The following CCP110 variants were observed in gnomAD, a reference collection of about 807,000 sequenced individuals.
The protein encoded by CCP110 is centriolar coiled-coil protein of 110 kDa.
A neutral mutation model predicts 105.5 loss-of-function variants in CCP110; 43 were observed. The observed-to-expected ratio is 0.41, with a 90% CI of 0.32 to 0.53. The LOEUF (loss-of-function observed/expected upper bound fraction) is 0.53. Among genes scored for constraint, CCP110 ranks in the 20% least tolerant of loss-of-function variants. The pLI is 0.32. For synonymous variants in CCP110, 353 were observed against 392.1 expected (o/e 0.90, Z 1.18); for missense variants, 1,016 against 1,189.1 (o/e 0.85, Z 2.14).
Position 19,537,023 on chromosome 16 carries a change from G to C in CCP110, c.1354G>C (p.Asp452His), listed in dbSNP as rs1970090929. Residue 452 changes from aspartate to histidine, a missense_variant, in exon 4 of 15, where the codon GAT becomes CAT. Transcript: ENST00000381396. Reference sequence around the variant, plus strand: ...CAAAAATACATCTGAAGTCAAAGAAGATGTGGTTTTAGGTAAATCAAATCA... The same window carrying C: ...CAAAAATACATCTGAAGTCAAAGAACATGTGGTTTTAGGTAAATCAAATCA... 4.3e-6 allele frequency: 7 copies of C among 1,614,114 alleles called. No individual in the cohort carries two copies. In the South Asian group the frequency reaches 5.5e-5, roughly 13 times the overall value.
intron 4 of CCP110, among the ~76,000 whole-genome samples, 168 bp downstream of exon 4, chr16:19,537,755 G>C (rs1970128848): frequency 6.6e-6 from 1 of 151,978 alleles, no homozygotes; most frequent in Non-Finnish European, 1.5e-5. Flanking sequence ...CATTTGATAG[G>C]CTTTCTTAAA....
At chr16:19,550,372 C>T (rs1036425473) in intron 14 of CCP110, among the ~76,000 whole-genome samples, 4 of 152,128 alleles carry the variant, frequency 2.6e-5, no homozygotes, top group Non-Finnish European at 4.4e-5. Flanking sequence ...AGGCTAGTCT[C>T]GAACGCCTGA....
At position 19,546,085 on chromosome 16, in the gene CCP110, A is replaced by G. The variant is rs1970448230; in HGVS notation, c.2777+195A>G. 5.4e-6 allele frequency: 3 copies of G among 551,142 alleles called. No homozygotes were observed. In the African/African-American group the frequency reaches 5.7e-5, roughly 10 times the overall value. The allele number at this position is 551,142 out of a possible 1,614,324, so 34.1% of individuals were successfully genotyped here. A position where few individuals can be genotyped will look rare whatever the true frequency, so the allele number is the denominator to read the frequency against. ...CATTTCATCTTAGATGAATTTATTT[A>G]CTAAATTTGACAACATTCAACTCAT... On this transcript the variant is annotated intron_variant, in intron 11 of 14. Transcript: ENST00000381396.
intron 1 of CCP110, chr16:19,524,785 T>G (rs1436796864): frequency 1.3e-5 from 2 of 152,306 alleles, no homozygotes; most frequent in African/African-American, 2.4e-5. Context: ...TTCAGTTTCA[T>G]TTGAAACCTA....
At position 19,542,089 on chromosome 16, in the gene CCP110, A is replaced by G. The variant is rs762035656; in HGVS notation, c.2227+25A>G. 17 of 1,481,678 alleles carry G rather than the reference A, an allele frequency of 1.1e-5. No individual in the cohort carries two copies. In the East Asian group the frequency reaches 3.9e-4, roughly 34 times the overall value. The allele number at this position is 1,481,678 out of a possible 1,614,324, so 91.8% of individuals were successfully genotyped here. ...GGTAAATATTTAAAAATCCTTTTACATTTGGGAAAGTGATCCTACGGTAAG... is the reference window on the plus strand; with the variant it reads ...GGTAAATATTTAAAAATCCTTTTACGTTTGGGAAAGTGATCCTACGGTAAG... On this transcript the variant is annotated intron_variant, in intron 6 of 14. Transcript: ENST00000381396.
chr16:19,548,674 A>G lies in CCP110; in HGVS notation c.2986+74A>G. ...CAAGCTGCCCCATAACTCAGGCCATAGAAGTGGAATAGATTGTCTTTCCTT... is the reference window on the plus strand; with the variant it reads ...CAAGCTGCCCCATAACTCAGGCCATGGAAGTGGAATAGATTGTCTTTCCTT... On this transcript the variant is annotated intron_variant, in intron 14 of 14. Coordinates refer to ENST00000381396, the Ensembl canonical transcript of CCP110. This position sits in a 1 kb window ranked among gnomAD's most constrained non-coding sequence, Gnocchi z 4.1. 2.2e-6 allele frequency: 2 copies of G among 905,810 alleles called. No individual in the cohort carries two copies. The highest frequency in any genetic ancestry group is 3.4e-6 in the Non-Finnish European group (2 of 585,930). 56.1% of individuals were successfully genotyped at this position (905,810 alleles called of 1,614,324 possible). A position where few individuals can be genotyped will look rare whatever the true frequency, so the allele number is the denominator to read the frequency against.
At chr16:19,550,131 T>C (rs193147406) in intron 14 of CCP110, among the ~76,000 whole-genome samples, 5 of 152,184 alleles carry the variant, frequency 3.3e-5, no homozygotes, top group Admixed American at 1.3e-4. Flanking sequence ...ATTTAGACAA[T>C]TGAAAGAAAC....
intron 1 of CCP110, among the ~76,000 whole-genome samples, chr16:19,524,292 G>C (rs1969590563): frequency 6.6e-6 from 1 of 152,158 alleles, no homozygotes; most frequent in Non-Finnish European, 1.5e-5. Context: ...CTCCGATGCT[G>C]GCCCCGCCTG....
intron 4 of CCP110, 45 bp downstream of exon 4, chr16:19,537,632 T>G (rs748290024): frequency 4.0e-5 from 43 of 1,067,644 alleles, no homozygotes; most frequent in Non-Finnish European, 5.0e-5. Flanking sequence ...GCAGATACCT[T>G]TATTTTAATA....
exon 4 of CCP110, chr16:19,536,333 G>C (rs770483196): frequency 6.2e-7 from 1 of 1,612,860 alleles, no homozygotes; most frequent in Non-Finnish European, 8.5e-7. Flanking sequence ...AGTCATCCCA[G>C]ATCCCTATGT....
chr16:19,543,006 G>C lies in CCP110; in HGVS notation c.2484+12G>C. The stretch of plus-strand genomic sequence containing the variant: ...GACAAACTGTAAAAGTAAGATTCCT[G>C]TAAATCGTTTGTATTTCACTTCTGT... On this transcript the variant is annotated intron_variant, in intron 8 of 14. Coordinates refer to ENST00000381396, the Ensembl canonical transcript of CCP110. The C allele has an allele frequency of 7.2e-7, 1 of 1,390,106 alleles. No individual in the cohort carries two copies. The highest frequency in any genetic ancestry group is 1.0e-6 in the Non-Finnish European group (1 of 979,576). 86.1% of individuals were successfully genotyped at this position (1,390,106 alleles called of 1,614,324 possible). A position where few individuals can be genotyped will look rare whatever the true frequency, so the allele number is the denominator to read the frequency against.
rs752317824 is a variant in CCP110, at chr16:19,537,475, TG to T, written c.1807del (p.Val603SerfsTer2). The T allele has an allele frequency of 6.2e-7, 1 of 1,612,314 alleles. No individual in the cohort carries two copies. Among genetic ancestry groups the T allele is most frequent in the Non-Finnish European group, 8.5e-7 (1 of 1,178,644 alleles). ...GTTTGCAAAAAGAAAACTGCCCTTATGTCATAACAAGTGGAATAACTGAACA... is the reference window on the plus strand; with the variant it reads ...GTTTGCAAAAAGAAAACTGCCCTTATTCATAACAAGTGGAATAACTGAACA... On this transcript the variant is annotated frameshift_variant, in exon 4 of 15. Coordinates refer to ENST00000381396, the Ensembl canonical transcript of CCP110. LOFTEE classifies it high-confidence loss of function.
intron 8 of CCP110, 28 bp downstream of exon 8, chr16:19,543,022 T>C: frequency 8.2e-7 from 1 of 1,219,930 alleles, no homozygotes; most frequent in Non-Finnish European, 1.2e-6. Context: ...CGTTTGTATT[T>C]CACTTCTGTC....
chr16:19,527,683 T>G (rs1969719565), intron 1 of CCP110, among the ~76,000 whole-genome samples, 184 bp from the exon 2 acceptor site: 1 of 152,226 alleles, frequency 6.6e-6, no homozygotes, highest in South Asian at 2.1e-4. Context: ...AAATCTTAAT[T>G]GGACAGGTTC....
intron 11 of CCP110, chr16:19,546,161 C>G (rs1970451161): frequency 1.9e-6 from 1 of 519,928 alleles, no homozygotes; most frequent in African/African-American, 1.9e-5. Flanking sequence ...ATATTCAGTG[C>G]CTAAATATAT....
chr16:19,529,376 T>A (rs1969785793), intron 2 of CCP110, among the ~76,000 whole-genome samples: 1 of 152,234 alleles, frequency 6.6e-6, no homozygotes, highest in African/African-American at 2.4e-5. Flanking sequence ...GAGATTAATT[T>A]TAATTAATTG....
In CCP110 at chr16:19,543,021, T is replaced by G. The variant is rs762624487; in HGVS notation, c.2484+27T>G. 5 of 1,226,380 alleles carry G rather than the reference T, an allele frequency of 4.1e-6. No homozygotes were observed. The South Asian group carries it at 6.1e-5, about 15-fold the overall frequency. 76.0% of individuals were successfully genotyped at this position (1,226,380 alleles called of 1,614,324 possible). On this transcript the variant is annotated intron_variant, in intron 8 of 14. Transcript: ENST00000381396. ...TAAGATTCCTGTAAATCGTTTGTAT[T>G]TCACTTCTGTCTTAGTTTCTATCAG... is the stretch of plus-strand genomic sequence containing the variant.
exon 4 of CCP110, chr16:19,536,536 T>C: frequency 6.2e-7 from 1 of 1,614,170 alleles, no homozygotes. Flanking sequence ...TCTCAGTTAT[T>C]CCTGACAAAC....
chr16:19,536,515 C>A lies in CCP110; in HGVS notation c.846C>A (p.Gly282=). ...TAAAAGAGAAAGGCCAGTTGACAGG[C>A]AAACACTGTGTCTCAGTTATTCCTG... The change falls in exon 4 of 15, where the codon GGC becomes GGA. Residue 282 remains glycine (G), a synonymous_variant. Transcript: ENST00000381396. 2.5e-6 allele frequency: 4 copies of A among 1,614,004 alleles called. No individual in the cohort carries two copies. In the South Asian group the frequency reaches 3.3e-5, roughly 13 times the overall value.
Sources: gnomAD v4.1 joint callset for allele counts (sites outside exome capture counted in the v4.1 genomes callset) on GRCh38, gnomAD v4.1.1 for gene constraint, Gnocchi (gnomAD v3.1) non-coding constraint, MANE v1.5 for transcripts, NCBI Gene and HGNC (gene_info 2026-07-23, HGNC 2026-07-21) for gene names.